CNTN5: variants seen among roughly 807,000 people sequenced by gnomAD.
The protein encoded by CNTN5 is contactin 5.
Under a neutral mutation model 129.1 loss-of-function variants are expected in CNTN5, and 77 were observed. The observed-to-expected ratio is 0.60, with a 90% CI of 0.50 to 0.72. The LOEUF is 0.72. CNTN5 is among the 30% of genes least tolerant of loss of function. The pLI is 0.00. For missense variants in CNTN5, 1,478 were observed against 1,328.8 expected (o/e 1.11, Z -1.75); for synonymous variants, 509 against 465.6 (o/e 1.09, Z -1.20).
intron 7 of CNTN5, among the ~76,000 whole-genome samples, chr11:99,939,985 A>AG (rs1950399176): frequency 6.6e-6 from 1 of 152,186 alleles, no homozygotes; most frequent in South Asian, 2.1e-4. Flanking sequence ...CAACCAGAAT[A>AG]TTTCACTTCT....
At chr11:100,191,284 C>CTT in intron 14 of CNTN5, 31 bp downstream of exon 14, 1 of 1,589,824 alleles carries the variant, frequency 6.3e-7, no homozygotes, top group East Asian at 2.2e-5. Flanking sequence ...GTTTTACAAG[C>CTT]ATAGTCTCAT....
chr11:99,380,105 G>GTT (rs72092400), intron 2 of CNTN5, among the ~76,000 whole-genome samples: 1 of 136,376 alleles, frequency 7.3e-6, no homozygotes, highest in Admixed American at 8.2e-5. Context: ...GTGTGTGTGT[G>GTT]TATGGTGTGT....
At chr11:99,065,963 A>G (rs1262987985) in intron 1 of CNTN5, among the ~76,000 whole-genome samples, 2 of 151,888 alleles carry the variant, frequency 1.3e-5, no homozygotes, top group Non-Finnish European at 2.9e-5. Flanking sequence ...TTTTATTATC[A>G]TTACATTCTC....
intron 8 of CNTN5, among the ~76,000 whole-genome samples, chr11:99,987,481 G>A (rs1279580702): frequency 6.7e-6 from 1 of 149,494 alleles, no homozygotes; most frequent in Non-Finnish European, 1.5e-5. Context: ...TTCTCCATAT[G>A]TGTATATATT....
intron 1 of CNTN5, among the ~76,000 whole-genome samples, chr11:99,154,701 G>A (rs1860248016): frequency 6.6e-6 from 1 of 152,086 alleles, no homozygotes; most frequent in Non-Finnish European, 1.5e-5. Flanking sequence ...GCTGTAATAG[G>A]TGCTCCGCCG....
intron 1 of CNTN5, among the ~76,000 whole-genome samples, chr11:99,299,069 G>A (rs566428575): frequency 4.6e-5 from 7 of 152,166 alleles, no homozygotes; most frequent in Admixed American, 1.3e-4. Context: ...TGCTTTTCGT[G>A]TTTCTTTTTT....
chr11:99,213,355 T>C (rs974105113), intron 1 of CNTN5, among the ~76,000 whole-genome samples: 23 of 110,956 alleles, frequency 2.1e-4, no homozygotes, highest in East Asian at 6.5e-4. Context: ...ATATTATATA[T>C]GTGTATATAT....
At position 99,668,748 on chromosome 11, in the gene CNTN5, G is replaced by T. The variant is rs146238822; in HGVS notation, c.55+112479G>T. On this transcript the variant is annotated intron_variant, in intron 3 of 24. Coordinates refer to ENST00000524871, the MANE Select transcript of CNTN5 (RefSeq NM_014361.4). Reference sequence around the variant, plus strand: ...ATTCAAAACTAGCCTGGGCCACATAGTGGAACTTGAACTCTACAAAAACTA... The same window carrying T: ...ATTCAAAACTAGCCTGGGCCACATATTGGAACTTGAACTCTACAAAAACTA... Among the ~76,000 whole-genome samples, 671 of 152,244 alleles carry T rather than the reference G, an allele frequency of 4.4e-3. 4 individuals carry two copies. Among genetic ancestry groups the T allele is most frequent in the African/African-American group, 0.015 (619 of 41,554 alleles).
At chr11:99,790,824 C>T (rs1237874356) in intron 3 of CNTN5, among the ~76,000 whole-genome samples, 2 of 152,062 alleles carry the variant, frequency 1.3e-5, no homozygotes, top group Admixed American at 1.3e-4. Context: ...GCAACCTCGC[C>T]AGCATGTTAT....
rs563600895 is a variant in CNTN5, at chr11:99,860,177, A to G, written c.577+14915A>G. ...AAATGTCTGTTCATGTATTTCACTC[A>G]TTTTTAATGGGGTTATAGATTCTGA... On this transcript the variant is annotated intron_variant, in intron 6 of 24. Coordinates refer to ENST00000524871, the MANE Select transcript of CNTN5 (RefSeq NM_014361.4). Among the ~76,000 whole-genome samples, 6 of 152,170 alleles carry G rather than the reference A, an allele frequency of 3.9e-5. 1 individual carries two copies. The South Asian group carries it at 1.0e-3, about 26-fold the overall frequency.
chr11:99,432,740 T>C (rs1033331041), intron 2 of CNTN5, among the ~76,000 whole-genome samples: 4 of 151,560 alleles, frequency 2.6e-5, no homozygotes, highest in Admixed American at 6.6e-5. Flanking sequence ...ATTGGAGAGA[T>C]GTGTCTGTAA....
At chr11:99,323,101 C>A (rs957931437) in intron 1 of CNTN5, among the ~76,000 whole-genome samples, 2 of 152,108 alleles carry the variant, frequency 1.3e-5, no homozygotes, top group Admixed American at 1.3e-4. Flanking sequence ...GGAATAACAA[C>A]TAACATATGT....
intron 3 of CNTN5, among the ~76,000 whole-genome samples, chr11:99,767,270 A>G (rs1944786407): frequency 1.3e-5 from 2 of 152,094 alleles, no homozygotes; most frequent in Non-Finnish European, 2.9e-5. Context: ...TTGTAAAACT[A>G]ATGCCAAGTG....
Position 99,029,439 on chromosome 11 carries a change from G to T in CNTN5, c.-210+8169G>T, listed in dbSNP as rs368355472. ...TTTGACCACTGACATTGAAAAGATG[G>T]AAAATCGTTCAGTCAGGACACAGCT... On this transcript the variant is annotated intron_variant, in intron 1 of 24. Transcript: ENST00000524871. Among the ~76,000 whole-genome samples the T allele has an allele frequency of 3.9e-5, 6 of 151,928 alleles. No homozygotes were observed. In the East Asian group the frequency reaches 7.7e-4, roughly 20 times the overall value.
intron 1 of CNTN5, among the ~76,000 whole-genome samples, chr11:99,119,872 G>A (rs1204035702): frequency 6.6e-6 from 1 of 152,070 alleles, no homozygotes; most frequent in Non-Finnish European, 1.5e-5. Context: ...TTTTTCTAAT[G>A]ATCAGTGATA....
chr11:99,336,939 T>C (rs1273567165), intron 2 of CNTN5, among the ~76,000 whole-genome samples: 1 of 152,158 alleles, frequency 6.6e-6, no homozygotes, highest in Non-Finnish European at 1.5e-5. Flanking sequence ...GGAAACATGC[T>C]TGGTGTACAG....
intron 6 of CNTN5, among the ~76,000 whole-genome samples, chr11:99,873,271 A>T (rs1401246357): frequency 1.5e-5 from 2 of 132,170 alleles, no homozygotes; most frequent in African/African-American, 2.7e-5. Context: ...TTTGCACATT[A>T]AAAAAAAAAT....
At chr11:99,820,989 A>G (rs906213492) in intron 4 of CNTN5, among the ~76,000 whole-genome samples, 4 of 152,222 alleles carry the variant, frequency 2.6e-5, no homozygotes, top group African/African-American at 9.6e-5. Context: ...TAGTGTTGGC[A>G]TCTAAGTTGT....
intron 2 of CNTN5, among the ~76,000 whole-genome samples, chr11:99,538,995 G>GT (rs924956321): frequency 2.2e-4 from 34 of 151,984 alleles, no homozygotes; most frequent in Admixed American, 1.8e-3. Flanking sequence ...CCCAGGTGGA[G>GT]TAGGGTATCA....
Sources: gnomAD v4.1 joint callset for allele counts (sites outside exome capture counted in the v4.1 genomes callset) on GRCh38, gnomAD v4.1.1 for gene constraint, MANE v1.5 for transcripts, NCBI Gene and HGNC (gene_info 2026-07-23, HGNC 2026-07-21) for gene names.